SETD5: variants seen among roughly 807,000 people sequenced by gnomAD.
The protein encoded by SETD5 is SET domain containing 5, also known as histone-lysine N-methyltransferase SETD5.
Under a neutral mutation model 153.3 loss-of-function variants are expected in SETD5, and 44 were observed. The ratio of observed to expected loss-of-function variants is 0.29; its 90% CI spans 0.23 to 0.37. The LOEUF (loss-of-function observed/expected upper bound fraction) is 0.37. Ranked by LOEUF, SETD5 falls within the 10% of genes least tolerant of loss-of-function variation. The pLI is 1.00. For missense variants in SETD5, 1,544 were observed against 1,768.0 expected (o/e 0.87, Z 2.27); for synonymous variants, 716 against 645.2 (o/e 1.11, Z -1.66).
At chr3:9,475,026 A>G (rs371211620) in intron 21 of SETD5, 42 bp from the exon 22 acceptor site, 17 of 1,520,540 alleles carry the variant, frequency 1.1e-5, no homozygotes, top group Non-Finnish European at 1.5e-5. Flanking sequence ...TACTTATTCT[A>G]AGAAGCCAAG....
intron 16 of SETD5, among the ~76,000 whole-genome samples, chr3:9,452,449 C>CT (rs1193805015): frequency 6.6e-6 from 1 of 152,156 alleles, no homozygotes; most frequent in Non-Finnish European, 1.5e-5. Context: ...TATTCTGTAT[C>CT]TAAGATAGTT....
At chr3:9,468,495 A>G in intron 18 of SETD5, 1 of 1,303,872 alleles carries the variant, frequency 7.7e-7, no homozygotes, top group Admixed American at 2.3e-5. Context: ...ATGAATAATA[A>G]CAAGATGCTT....
At chr3:9,445,771 T>A (rs762610980) in intron 13 of SETD5, 31 bp downstream of exon 13, 4 of 1,511,660 alleles carry the variant, frequency 2.6e-6, no homozygotes, top group Non-Finnish European at 3.6e-6. Flanking sequence ...CTTTGCTCCT[T>A]CTCATTCCTG....
chr3:9,450,961 G>A (rs1446740365), intron 16 of SETD5, among the ~76,000 whole-genome samples: 1 of 152,118 alleles, frequency 6.6e-6, no homozygotes, highest in African/African-American at 2.4e-5. Flanking sequence ...TATCCCTAGA[G>A]TTTCTAAATT....
intron 1 of SETD5, among the ~76,000 whole-genome samples, chr3:9,411,687 A>G (rs1264979059): frequency 6.6e-6 from 1 of 152,248 alleles, no homozygotes; most frequent in Non-Finnish European, 1.5e-5. Flanking sequence ...CTGGTGCAAC[A>G]TAAGCATCCA....
At chr3:9,464,338 A>G (rs2044315388) in intron 17 of SETD5, 87 bp from the exon 18 acceptor site, 6 of 1,520,418 alleles carry the variant, frequency 3.9e-6, no homozygotes, top group South Asian at 2.6e-5. Flanking sequence ...GTTAAGAGCC[A>G]TTGTAGATTA....
Position 9,448,574 on chromosome 3 carries a change from C to A in SETD5, c.2290C>A (p.Pro764Thr). Residue 764 changes from proline to threonine, a missense_variant, in exon 16 of 23, where the codon CCT becomes ACT. By Grantham distance (38) the Pro-to-Thr change is conservative. Coordinates refer to ENST00000402198, the MANE Select transcript of SETD5 (RefSeq NM_001080517.3). ...HYIRFGSPFI[P>T]ERRRRPLLPD... ...CATTCGCTTTGGCTCACCCTTTATC[C>A]CTGAGAGACGTCGAAGGCCCCTTCT... is the stretch of plus-strand genomic sequence containing the variant. 6.2e-7 allele frequency: 1 copy of A among 1,612,076 alleles called. No homozygotes were observed. The highest frequency in any genetic ancestry group is 8.5e-7 in the Non-Finnish European group (1 of 1,178,528).
At chr3:9,467,768 C>T (rs898535425) in intron 18 of SETD5, among the ~76,000 whole-genome samples, 5 of 152,072 alleles carry the variant, frequency 3.3e-5, no homozygotes, top group Non-Finnish European at 7.4e-5. Flanking sequence ...GGACTGCTGC[C>T]TCACCTGAAA....
chr3:9,431,636 T>C, intron 3 of SETD5: 1 of 985,502 alleles, frequency 1.0e-6, no homozygotes, highest in African/African-American at 1.7e-5. Flanking sequence ...AATGCTGTGC[T>C]TAACTAGAAA....
rs200761097 is a variant in SETD5, at chr3:9,413,649, G to GGGGT, written c.-176-10817_-176-10816insGGTG. Among the ~76,000 whole-genome samples the GGGGT allele has an allele frequency of 2.4e-3, 334 of 140,432 alleles. 1 individual carries two copies. Among genetic ancestry groups the GGGGT allele is most frequent in the African/African-American group, 8.4e-3 (314 of 37,310 alleles). The allele number at this position is 140,432 out of a possible 152,430, so 92.1% of individuals were successfully genotyped here. On this transcript the variant is annotated intron_variant, in intron 1 of 22. Coordinates refer to ENST00000402198, the MANE Select transcript of SETD5 (RefSeq NM_001080517.3). The stretch of plus-strand genomic sequence containing the variant: ...AGCTTCTTCGGGTGGGGGGAGGCGG[G>GGGGT]GTGTGTGTGTGTGTGTGTGTGTGTG...
intron 17 of SETD5, among the ~76,000 whole-genome samples, chr3:9,460,555 A>G (rs1559466690): frequency 6.6e-6 from 1 of 152,130 alleles, no homozygotes; most frequent in Non-Finnish European, 1.5e-5. Flanking sequence ...AACAATTTTA[A>G]TAAAAAGTAT....
At chr3:9,431,752 T>C in intron 3 of SETD5, 1 of 980,920 alleles carries the variant, frequency 1.0e-6, no homozygotes, top group East Asian at 1.1e-4. Flanking sequence ...CGTTTGGAGA[T>C]GGGTAAGATA....
chr3:9,435,990 G>A (rs2040518463), intron 7 of SETD5, 84 bp downstream of exon 7: 1 of 1,344,226 alleles, frequency 7.4e-7, no homozygotes. Context: ...ATTCTTTTAA[G>A]AAGTTTGATC....
intron 17 of SETD5, 100 bp downstream of exon 17, chr3:9,453,968 T>C: frequency 7.6e-7 from 1 of 1,307,988 alleles, no homozygotes; most frequent in East Asian, 2.7e-5. Flanking sequence ...AGAAATGGCG[T>C]GTTTTCTAAA....
chr3:9,406,782 C>T (rs980163803), intron 1 of SETD5, among the ~76,000 whole-genome samples: 4 of 152,124 alleles, frequency 2.6e-5, no homozygotes, highest in African/African-American at 9.7e-5. Flanking sequence ...CATGTCCCTG[C>T]ACATTTTAGG....
chr3:9,427,394 A>C (rs1270133161), intron 2 of SETD5, among the ~76,000 whole-genome samples: 3 of 152,170 alleles, frequency 2.0e-5, no homozygotes, highest in Admixed American at 2.0e-4. Context: ...TACTAAAAGT[A>C]CAAAAATTAG....
Position 9,476,253 on chromosome 3 carries a change from C to G in SETD5, c.*162C>G, listed in dbSNP as rs1475993773. ...AACAAGACTTGTGGTCACAATTGGC[C>G]TCTGGCCTTGGAGAAAGCTGTAAAT... On this transcript the variant is annotated 3_prime_UTR_variant, in exon 23 of 23. Transcript: ENST00000402198. 1 of 1,002,780 alleles carries G rather than the reference C, an allele frequency of 1.0e-6. No individual in the cohort carries two copies. The highest frequency in any genetic ancestry group is 1.6e-5 in the African/African-American group (1 of 61,344). 62.1% of individuals were successfully genotyped at this position (1,002,780 alleles called of 1,614,324 possible).
At chr3:9,473,120 G>A (rs2045503099) in intron 19 of SETD5, 116 bp from the exon 20 acceptor site, 1 of 1,265,364 alleles carries the variant, frequency 7.9e-7, no homozygotes, top group African/African-American at 1.5e-5. Context: ...TTGTTTGCGT[G>A]GCTTGGCTAG....
rs2044343036 is a variant in SETD5 at position 9,464,604 on chromosome 3, A to G, written c.2656A>G (p.Ser886Gly). 6.2e-7 allele frequency: 1 copy of G among 1,613,870 alleles called. No individual in the cohort carries two copies. Among genetic ancestry groups the G allele is most frequent in the Admixed American group, 1.7e-5 (1 of 59,988 alleles). Residue 886 changes from serine (S) to glycine (G), a missense_variant, in exon 18 of 23, where the codon AGC (serine) becomes GGC (glycine). Physicochemically the swap from Ser to Gly is moderately conservative, Grantham distance 56. Coordinates refer to ENST00000402198, the MANE Select transcript of SETD5 (RefSeq NM_001080517.3). ...AGAAGAGGAGTGTCGAAATGGATAC[A>G]GCCTCATGTTTTCACCAGTCACATC... ...PGEEECRNGYSLMFSPVTSLT... is the reference protein window; with the variant it reads ...PGEEECRNGYGLMFSPVTSLT...
Sources: allele counts gnomAD v4.1 joint callset (sites outside exome capture counted in the v4.1 genomes callset), GRCh38; gene constraint gnomAD v4.1.1; transcripts MANE v1.5; gene names NCBI Gene and HGNC (gene_info 2026-07-23, HGNC 2026-07-21).